The following FGF14 variants were observed in gnomAD, a reference collection of about 807,000 sequenced individuals.
The protein encoded by FGF14 is fibroblast growth factor homologous factor 4.
A neutral mutation model predicts 25.5 loss-of-function variants in FGF14; 5 were observed. That is an observed-to-expected ratio of 0.20 (90% confidence interval 0.10 to 0.41). The LOEUF is 0.41. Among genes scored for constraint, FGF14 ranks in the 10% least tolerant of loss-of-function variants. The pLI is 1.00. For missense variants in FGF14, 222 were observed against 320.1 expected (o/e 0.69, Z 2.34); for synonymous variants, 138 against 118.3 (o/e 1.17, Z -1.08).
intron 1 of FGF14, among the ~76,000 whole-genome samples, chr13:102,080,496 C>T (rs2043568139): frequency 6.6e-6 from 1 of 152,162 alleles, no homozygotes; most frequent in African/African-American, 2.4e-5. Context: ...TGCTGGCTCT[C>T]CTGCTAGCCA....
intron 3 of FGF14, among the ~76,000 whole-genome samples, chr13:101,804,108 C>T (rs1465338915): frequency 2.0e-5 from 3 of 151,884 alleles, no homozygotes; most frequent in Non-Finnish European, 2.9e-5. Flanking sequence ...ATGGAGATCA[C>T]TGAGGTGGTC....
Position 102,014,920 on chromosome 13 carries a change from T to C in FGF14, c.209-139624A>G, listed in dbSNP as rs181356821. 9.2e-5 allele frequency among the ~76,000 whole-genome samples: 14 copies of C among 152,260 alleles called. No individual in the cohort carries two copies. The East Asian group carries it at 2.7e-3, about 29-fold the overall frequency. On this transcript the variant is annotated intron_variant, in intron 1 of 4. Transcript: ENST00000376131. ...TTTTCTATTCTGCTAAACATTCATT[T>C]ATTTATTTATTCATTTTGAGACAGA...
intron 1 of FGF14, among the ~76,000 whole-genome samples, chr13:102,197,460 T>A (rs2049414108): frequency 6.6e-6 from 1 of 152,264 alleles, no homozygotes; most frequent in Non-Finnish European, 1.5e-5. Flanking sequence ...CCTGACTCTC[T>A]CAGTTTCTTT....
intron 1 of FGF14, among the ~76,000 whole-genome samples, chr13:102,169,946 T>C (rs577383222): frequency 6.6e-5 from 10 of 152,144 alleles, no homozygotes; most frequent in Non-Finnish European, 1.5e-5. Flanking sequence ...TAAATTTCAA[T>C]TTAAATAGCC....
chr13:101,900,622 G>C (rs954615610), intron 1 of FGF14, among the ~76,000 whole-genome samples: 1 of 152,020 alleles, frequency 6.6e-6, no homozygotes, highest in Admixed American at 6.6e-5. Context: ...TTTTCAAGTA[G>C]GCAAGACTAA....
At chr13:102,246,220 T>C (rs935637375) in intron 1 of FGF14, among the ~76,000 whole-genome samples, 2 of 152,082 alleles carry the variant, frequency 1.3e-5, no homozygotes, top group South Asian at 4.1e-4. Flanking sequence ...AATTTAAGAA[T>C]GATCATACTC....
intron 3 of FGF14, among the ~76,000 whole-genome samples, chr13:101,862,299 C>T (rs892261582): frequency 2.0e-5 from 3 of 151,988 alleles, no homozygotes; most frequent in African/African-American, 7.2e-5. Flanking sequence ...CACAATGCTG[C>T]CAAAGCATCT....
chr13:101,716,225 T>G lies in FGF14; in HGVS notation c.*6606A>C, dbSNP rs1216728026. 1 of 152,192 alleles carries G rather than the reference T, an allele frequency of 6.6e-6. No individual in the cohort carries two copies. The highest frequency in any genetic ancestry group is 6.5e-5 in the Admixed American group (1 of 15,278). 9.4% of individuals were successfully genotyped at this position (152,192 alleles called of 1,614,324 possible). A position where few individuals can be genotyped will look rare whatever the true frequency, so the allele number is the denominator to read the frequency against. On this transcript the variant is annotated 3_prime_UTR_variant, in exon 5 of 5. Coordinates refer to ENST00000376143, the MANE Select transcript of FGF14 (RefSeq NM_004115.4). ...CAGAATTCCGTATCAGTCACCATTT[T>G]AATATGGGGACAATGAAGACAAGCA... is the stretch of plus-strand genomic sequence containing the variant.
chr13:102,313,994 AAC>A (rs1348297312), intron 1 of FGF14, among the ~76,000 whole-genome samples: 10 of 152,230 alleles, frequency 6.6e-5, no homozygotes. Flanking sequence ...GAGGCCGGAG[AAC>A]ACAGCCAGCA....
In FGF14 at chr13:102,030,058, T is replaced by C. The variant is rs188813115; in HGVS notation, c.209-154762A>G. On this transcript the variant is annotated intron_variant, in intron 1 of 4. Coordinates refer to the FGF14 transcript ENST00000376131. ...AGAGAAAAGTATTATGTGTCAAGTATACAATATAATTTTTAGCTACACTAG... is the reference window on the plus strand; with the variant it reads ...AGAGAAAAGTATTATGTGTCAAGTACACAATATAATTTTTAGCTACACTAG... Among the ~76,000 whole-genome samples, 652 of 152,216 alleles carry C rather than the reference T, an allele frequency of 4.3e-3. 4 individuals carry two copies. Among genetic ancestry groups the C allele is most frequent in the Admixed American group, 0.028 (432 of 15,260 alleles).
chr13:101,811,179 G>T (rs536237170), intron 3 of FGF14, among the ~76,000 whole-genome samples: 2 of 152,108 alleles, frequency 1.3e-5, no homozygotes, highest in South Asian at 4.2e-4. Flanking sequence ...CCATGGGTTT[G>T]GGAAAATGTA....
At chr13:101,995,869 G>C (rs932495815) in intron 1 of FGF14, among the ~76,000 whole-genome samples, 1 of 152,148 alleles carries the variant, frequency 6.6e-6, no homozygotes, top group South Asian at 2.1e-4. Flanking sequence ...GAAGGGTAGT[G>C]GGGGGCTGGG....
intron 1 of FGF14, among the ~76,000 whole-genome samples, chr13:102,161,619 G>GTC (rs2047696007): frequency 2.2e-4 from 1 of 4,612 alleles, no homozygotes; most frequent in African/African-American, 1.6e-3. Flanking sequence ...AGAAGAAGAA[G>GTC]AAGAAGAAGA....
chr13:101,927,984 C>G (rs530329782), intron 1 of FGF14, among the ~76,000 whole-genome samples: 1 of 152,298 alleles, frequency 6.6e-6, no homozygotes, highest in East Asian at 1.9e-4. Flanking sequence ...TCCCGTTTCC[C>G]TCTTTCATCC....
chr13:102,178,163 T>C (rs1022362985), intron 1 of FGF14, among the ~76,000 whole-genome samples: 1 of 151,980 alleles, frequency 6.6e-6, no homozygotes, highest in East Asian at 1.9e-4. Context: ...ACAATGAAGG[T>C]TGGGGAAGAG....
At chr13:101,731,308 C>A (rs975770467) in intron 3 of FGF14, among the ~76,000 whole-genome samples, 1 of 152,084 alleles carries the variant, frequency 6.6e-6, no homozygotes, top group Non-Finnish European at 1.5e-5. Flanking sequence ...AAAACGAGAT[C>A]GATAAGGAGT....
chr13:102,300,517 C>T (rs1566916527), intron 1 of FGF14, among the ~76,000 whole-genome samples: 1 of 152,108 alleles, frequency 6.6e-6, no homozygotes, highest in Non-Finnish European at 1.5e-5. Context: ...CTCAGTTGCT[C>T]AAGAGCAAAA....
intron 1 of FGF14, among the ~76,000 whole-genome samples, chr13:102,268,468 T>C (rs188116253): frequency 2.6e-5 from 4 of 152,160 alleles, no homozygotes; most frequent in Admixed American, 2.6e-4. Context: ...ATATAAAAGT[T>C]ATGTAAGTTA....
chr13:101,804,654 A>G (rs2041097333), intron 3 of FGF14, among the ~76,000 whole-genome samples: 1 of 152,024 alleles, frequency 6.6e-6, no homozygotes, highest in Non-Finnish European at 1.5e-5. Flanking sequence ...TTGTAACTGT[A>G]TTTTATACAT....
Sources: allele counts gnomAD v4.1 joint callset (sites outside exome capture counted in the v4.1 genomes callset), GRCh38; gene constraint gnomAD v4.1.1; transcripts MANE v1.5; gene names NCBI Gene and HGNC (gene_info 2026-07-23, HGNC 2026-07-21).